The following SRFBP1 variants were observed in gnomAD, a reference collection of about 807,000 sequenced individuals.
The protein encoded by SRFBP1 is serum response factor-binding protein 1.
Under a neutral mutation model 45.5 loss-of-function variants are expected in SRFBP1, and 47 were observed. That is an observed-to-expected ratio of 1.03 (90% CI 0.82 to 1.32). The LOEUF (loss-of-function observed/expected upper bound fraction) is 1.32, where lower values mean the gene tolerates loss of function less well. Ranked by LOEUF, SRFBP1 falls within the 40% of genes most tolerant of loss-of-function variation. The probability of loss-of-function intolerance (pLI) is 0.00; values close to 1 mark genes in which losing one functional copy is unlikely to be tolerated. For synonymous variants in SRFBP1, 203 were observed against 166.3 expected (o/e 1.22, Z -1.70); for missense variants, 621 against 484.6 (o/e 1.28, Z -2.64).
intron 2 of SRFBP1, among the ~76,000 whole-genome samples, chr5:122,036,786 C>T (rs1753699748): frequency 6.6e-6 from 1 of 152,088 alleles, no homozygotes; most frequent in Non-Finnish European, 1.5e-5. Flanking sequence ...CTGTTTTGTC[C>T]TAGGTTTTGC....
intron 3 of SRFBP1, among the ~76,000 whole-genome samples, chr5:121,978,305 GTATAC>G (rs2112822231): frequency 6.6e-6 from 1 of 152,182 alleles, no homozygotes; most frequent in Non-Finnish European, 1.5e-5. Flanking sequence ...ATCCACTGTA[GTATAC>G]TGCTTCAGTA....
intron 1 of SRFBP1, among the ~76,000 whole-genome samples, chr5:121,964,851 T>C (rs552489402): frequency 6.6e-6 from 1 of 152,284 alleles, no homozygotes; most frequent in East Asian, 1.9e-4. Flanking sequence ...CTCTCCAGCA[T>C]CTGTTGTTTC....
chr5:122,039,850 G>A (rs1317428098), intron 2 of SRFBP1, among the ~76,000 whole-genome samples: 1 of 151,994 alleles, frequency 6.6e-6, no homozygotes, highest in Non-Finnish European at 1.5e-5. Flanking sequence ...ATTCTATTTT[G>A]TCCAAAATGA....
At chr5:121,984,580 T>G in intron 3 of SRFBP1, among the ~76,000 whole-genome samples, 1 of 151,878 alleles carries the variant, frequency 6.6e-6, no homozygotes, top group South Asian at 2.1e-4. Flanking sequence ...CAGTATATAA[T>G]TTTTGTTTGA....
At chr5:121,986,449 C>G (rs1303182798) in intron 3 of SRFBP1, among the ~76,000 whole-genome samples, 1 of 151,972 alleles carries the variant, frequency 6.6e-6, no homozygotes, top group Non-Finnish European at 1.5e-5. Flanking sequence ...ATCATATAAC[C>G]AAATTTCCCT....
At chr5:122,060,208 T>G (rs1199721681) in intron 2 of SRFBP1, among the ~76,000 whole-genome samples, 2 of 152,042 alleles carry the variant, frequency 1.3e-5, no homozygotes, top group African/African-American at 4.8e-5. Flanking sequence ...TTAGATACTA[T>G]GAATAAGGGG....
chr5:121,986,841 A>T (rs1047694259), intron 3 of SRFBP1, among the ~76,000 whole-genome samples: 2 of 152,268 alleles, frequency 1.3e-5, no homozygotes, highest in Non-Finnish European at 1.5e-5. Context: ...GGAGTGAGAA[A>T]CTTTTTAGAA....
intron 2 of SRFBP1, among the ~76,000 whole-genome samples, chr5:122,044,884 T>A (rs1462081350): frequency 6.6e-6 from 1 of 152,192 alleles, no homozygotes; most frequent in African/African-American, 2.4e-5. Flanking sequence ...TTGTCAATTT[T>A]TGTTTTTCTT....
At chr5:122,053,254 A>T (rs1293596861) in intron 2 of SRFBP1, among the ~76,000 whole-genome samples, 1 of 152,054 alleles carries the variant, frequency 6.6e-6, no homozygotes, top group Non-Finnish European at 1.5e-5. Flanking sequence ...TGGCTTTAGG[A>T]GGCAGGGCTG....
Position 122,028,389 on chromosome 5 carries a change from A to G in SRFBP1, c.*1263A>G, listed in dbSNP as rs1753532666. Reference sequence around the variant, plus strand: ...GGGAGGCTGAGGCGGGTAGATCGCTAGAGGCAAGGAGTTCAAAACCAGCCT... The same window carrying G: ...GGGAGGCTGAGGCGGGTAGATCGCTGGAGGCAAGGAGTTCAAAACCAGCCT... On this transcript the variant is annotated 3_prime_UTR_variant, in exon 8 of 8. Transcript: ENST00000339397. The G allele has an allele frequency of 6.6e-6, 1 of 152,072 alleles. No individual in the cohort carries two copies. The highest frequency in any genetic ancestry group is 6.6e-5 in the Admixed American group (1 of 15,252). The allele number at this position is 152,072 out of a possible 1,614,324, so 9.4% of individuals were successfully genotyped here. A position where few individuals can be genotyped will look rare whatever the true frequency, so the allele number is the denominator to read the frequency against.
chr5:122,072,943 A>G (rs1283961798), intron 2 of SRFBP1, among the ~76,000 whole-genome samples: 2 of 152,232 alleles, frequency 1.3e-5, no homozygotes, highest in Non-Finnish European at 2.9e-5. Context: ...GAATCTGTAT[A>G]TGCACACATG....
rs144141237 is a variant in SRFBP1 at position 121,978,944 on chromosome 5, T to A, written c.198+3557T>A. 1.0e-3 allele frequency among the ~76,000 whole-genome samples: 157 copies of A among 152,316 alleles called. 2 individuals are homozygous for A. The highest frequency in any genetic ancestry group is 3.7e-3 in the African/African-American group (155 of 41,570). ...TCCTCTAGTTTAAAACTTTCTCCTT[T>A]TGTTCTATTCTTCCCCTAGTTTTAC... is the stretch of plus-strand genomic sequence containing the variant. On this transcript the variant is annotated intron_variant, in intron 3 of 7. Transcript: ENST00000339397.
At chr5:121,963,299 A>G (rs1751989743) in intron 1 of SRFBP1, among the ~76,000 whole-genome samples, 1 of 152,226 alleles carries the variant, frequency 6.6e-6, no homozygotes, top group African/African-American at 2.4e-5. Context: ...AGTACAGGAT[A>G]TGCTGAAGAG....
chr5:122,074,209 T>C (rs753629841), intron 2 of SRFBP1: 17 of 1,567,434 alleles, frequency 1.1e-5, no homozygotes, highest in Middle Eastern at 1.7e-4. Flanking sequence ...GTCAGTTACA[T>C]ACAGAGAAAG....
At chr5:121,966,881 G>A (rs1382654237) in intron 1 of SRFBP1, among the ~76,000 whole-genome samples, 1 of 150,400 alleles carries the variant, frequency 6.6e-6, no homozygotes, top group Non-Finnish European at 1.5e-5. Flanking sequence ...CTGGGTTCAC[G>A]CCATTCTTCT....
In SRFBP1 at chr5:121,999,357, A is replaced by T. The variant is rs373150159; in HGVS notation, c.270+4687A>T. Among the ~76,000 whole-genome samples the T allele has an allele frequency of 2.0e-5, 3 of 152,046 alleles. No individual in the cohort carries two copies. In the East Asian group the frequency reaches 5.8e-4, roughly 29 times the overall value. On this transcript the variant is annotated intron_variant, in intron 4 of 7. Coordinates refer to ENST00000339397, the MANE Select transcript of SRFBP1 (RefSeq NM_152546.3). ...AAACTTTGTGATTTCTATTCTTTTC[A>T]ATGTTGTACTATTTGTTATAGTCCA...
intron 4 of SRFBP1, among the ~76,000 whole-genome samples, chr5:122,003,587 C>T (rs1039757213): frequency 1.3e-5 from 2 of 152,108 alleles, no homozygotes; most frequent in African/African-American, 2.4e-5. Context: ...AATGGAATTG[C>T]TGAATCTTAT....
chr5:122,042,790 T>G (rs1580541315), intron 2 of SRFBP1, among the ~76,000 whole-genome samples: 1 of 152,144 alleles, frequency 6.6e-6, no homozygotes, highest in Non-Finnish European at 1.5e-5. Context: ...TCACCTGTTT[T>G]CTCGATTTTC....
intron 1 of SRFBP1, among the ~76,000 whole-genome samples, chr5:121,972,674 G>A (rs1752223908): frequency 6.6e-6 from 1 of 151,844 alleles, no homozygotes; most frequent in African/African-American, 2.4e-5. Context: ...AAGTGTAGGA[G>A]TCAGTGGATT....
Sources: gnomAD v4.1 joint callset for allele counts (sites outside exome capture counted in the v4.1 genomes callset) on GRCh38, gnomAD v4.1.1 for gene constraint, MANE v1.5 for transcripts, NCBI Gene and HGNC (gene_info 2026-07-23, HGNC 2026-07-21) for gene names.